The following CCDC30 variants were observed in gnomAD, a reference collection of about 807,000 sequenced individuals.
CCDC30 encodes the protein coiled-coil domain-containing protein 30.
CCDC30 carries 70 observed loss-of-function variants against 100.2 expected under a neutral mutation model. The ratio of observed to expected loss-of-function variants is 0.70; its 90% CI spans 0.58 to 0.85. The LOEUF (loss-of-function observed/expected upper bound fraction) is 0.85. CCDC30 is among the 40% of genes least tolerant of loss of function. CCDC30 has a pLI of 0.00. For synonymous variants in CCDC30, 233 were observed against 269.5 expected (o/e 0.86, Z 1.33); for missense variants, 652 against 771.2 (o/e 0.85, Z 1.83).
In CCDC30 at chr1:42,556,490, C is replaced by CAT. The variant is rs559197020; in HGVS notation, c.457-9799_457-9798dup. ...AAGCATCATTTTAAATACCATCATT[C>CAT]ATATATATGTTTTTTTTTATTTTTT... On this transcript the variant is annotated intron_variant, in intron 6 of 16. Coordinates refer to ENST00000668663, the Ensembl canonical transcript of CCDC30. The CAT allele has an allele frequency of 1.2e-3, 1,627 of 1,394,658 alleles. 25 individuals carry two copies. The African/African-American group carries it at 0.022, about 19-fold the overall frequency. 86.4% of individuals were successfully genotyped at this position (1,394,658 alleles called of 1,614,324 possible).
intron 9 of CCDC30, 84 bp downstream of exon 13, chr1:42,581,598 T>G: frequency 7.8e-7 from 1 of 1,282,754 alleles, no homozygotes; most frequent in Non-Finnish European, 1.1e-6. Context: ...TAACAGAATA[T>G]CAGAGAGTAT....
intron 11 of CCDC30, among the ~76,000 whole-genome samples, chr1:42,626,451 T>C (rs1484273614): frequency 3.9e-5 from 6 of 152,234 alleles, no homozygotes; most frequent in Admixed American, 2.0e-4. Context: ...CTTTCCTTCC[T>C]GTCTTTCCTT....
At chr1:42,459,042 A>G (rs1348684624), upstream of CCDC30, among the ~76,000 whole-genome samples, 1 of 152,140 alleles carries the variant, frequency 6.6e-6, no homozygotes, top group East Asian at 1.9e-4. Flanking sequence ...GAAAATATTA[A>G]TGGTGGTAAG....
At chr1:42,530,759 A>G (rs1644793265) in intron 6 of CCDC30, among the ~76,000 whole-genome samples, 1 of 152,200 alleles carries the variant, frequency 6.6e-6, no homozygotes, top group Admixed American at 6.5e-5. Context: ...TGTATAGGTT[A>G]TATGTAAAAT....
intron 6 of CCDC30, among the ~76,000 whole-genome samples, chr1:42,517,656 T>A (rs752263593): frequency 1.3e-5 from 2 of 152,178 alleles, no homozygotes; most frequent in Non-Finnish European, 2.9e-5. Flanking sequence ...TTATCACCAT[T>A]TACTAGAAAA....
chr1:42,556,534 G>T, intron 6 of CCDC30, 129 bp downstream of exon 10: 2 of 987,856 alleles, frequency 2.0e-6, no homozygotes, highest in African/African-American at 1.7e-5. Flanking sequence ...TAGTAGATGT[G>T]TGTATTTATG....
chr1:42,511,192 G>A (rs1182592542), intron 6 of CCDC30, among the ~76,000 whole-genome samples: 1 of 152,028 alleles, frequency 6.6e-6, no homozygotes, highest in Non-Finnish European at 1.5e-5. Context: ...ATGGTTGCGG[G>A]CATGACCCCC....
intron 6 of CCDC30, among the ~76,000 whole-genome samples, chr1:42,552,093 A>G (rs1305768781): frequency 6.6e-6 from 1 of 151,996 alleles, no homozygotes; most frequent in Admixed American, 6.6e-5. Flanking sequence ...GGGAGCATTT[A>G]TTTTCATGGA....
intron 6 of CCDC30, among the ~76,000 whole-genome samples, chr1:42,538,274 G>T (rs1309291612): frequency 6.6e-6 from 1 of 150,530 alleles, no homozygotes; most frequent in Non-Finnish European, 1.5e-5. Context: ...AGGCTTCAGT[G>T]AGCTGTGATC....
intron 4 of CCDC30, among the ~76,000 whole-genome samples, chr1:42,494,324 T>C (rs1292272738): frequency 6.6e-6 from 1 of 152,160 alleles, no homozygotes; most frequent in African/African-American, 2.4e-5. Context: ...GAAACTGGAT[T>C]CCTTCCTTAC....
At chr1:42,586,430 C>T (rs1205319252) in intron 9 of CCDC30, among the ~76,000 whole-genome samples, 1 of 152,068 alleles carries the variant, frequency 6.6e-6, no homozygotes, top group African/African-American at 2.4e-5. Flanking sequence ...CCTCCACCTA[C>T]TGAGTAGCTA....
chr1:42,536,317 TAGAG>T (rs1258380044), intron 6 of CCDC30, among the ~76,000 whole-genome samples, 155 bp from the exon 7 acceptor site: 3 of 152,170 alleles, frequency 2.0e-5, no homozygotes, highest in African/African-American at 7.2e-5. Flanking sequence ...AATTAAGGCT[TAGAG>T]AGAAAAATGT....
chr1:42,587,391 A>G (rs1646094672), intron 9 of CCDC30, among the ~76,000 whole-genome samples: 1 of 152,212 alleles, frequency 6.6e-6, no homozygotes, highest in Non-Finnish European at 1.5e-5. Context: ...CTTCTCTTTT[A>G]GTTTCAAGGC....
chr1:42,646,138 C>G, exon 15 of CCDC30: 1 of 1,581,320 alleles, frequency 6.3e-7, no homozygotes, highest in Non-Finnish European at 8.6e-7. Context: ...AACTTAGAAT[C>G]TTAAGGAGTT....
At chr1:42,631,767 G>C (rs1271847819) in intron 11 of CCDC30, among the ~76,000 whole-genome samples, 5 of 152,076 alleles carry the variant, frequency 3.3e-5, no homozygotes, top group African/African-American at 1.2e-4. Context: ...ACCATCACAG[G>C]CCCATGGAGA....
At chr1:42,479,808 G>A (rs1490967581) in intron 1 of CCDC30, among the ~76,000 whole-genome samples, 3 of 152,174 alleles carry the variant, frequency 2.0e-5, no homozygotes, top group Admixed American at 2.0e-4. Flanking sequence ...AGGGAGTATG[G>A]GAGGCAGGCT....
chr1:42,621,861 G>A (rs1227949807), intron 11 of CCDC30, among the ~76,000 whole-genome samples: 1 of 151,614 alleles, frequency 6.6e-6, no homozygotes, highest in Non-Finnish European at 1.5e-5. Context: ...TGCCCAGGCT[G>A]GTCTCGAACC....
intron 6 of CCDC30, among the ~76,000 whole-genome samples, chr1:42,554,313 T>G (rs959104067): frequency 1.3e-5 from 2 of 150,296 alleles, no homozygotes; most frequent in Non-Finnish European, 3.0e-5. Flanking sequence ...AGTTTCCCTC[T>G]GTCATCCAGG....
rs553663697 is a variant in CCDC30 at position 42,506,297 on chromosome 1, G to T, written c.456+7381G>T. 2.6e-5 allele frequency among the ~76,000 whole-genome samples: 4 copies of T among 152,256 alleles called. No homozygotes were observed. The South Asian group carries it at 8.3e-4, about 32-fold the overall frequency. ...TTTCAGCTCCTCATGAATCCTGTGT[G>T]TTTTTTCTCTATTCCAATGTTAGAA... On this transcript the variant is annotated intron_variant, in intron 6 of 16. Transcript: ENST00000668663.
Sources: gnomAD v4.1 joint callset for allele counts (sites outside exome capture counted in the v4.1 genomes callset) on GRCh38, gnomAD v4.1.1 for gene constraint, MANE v1.5 for transcripts, NCBI Gene and HGNC (gene_info 2026-07-23, HGNC 2026-07-21) for gene names.